The following ECPAS variants were observed in gnomAD, a reference collection of about 807,000 sequenced individuals.
ECPAS encodes Ecm29 proteasome adaptor and scaffold.
Under a neutral mutation model 255.1 loss-of-function variants are expected in ECPAS, and 70 were observed. The ratio of observed to expected loss-of-function variants is 0.27; its 90% CI spans 0.23 to 0.33. The LOEUF (loss-of-function observed/expected upper bound fraction) is 0.33, where lower values mean the gene tolerates loss of function less well. Ranked by LOEUF, ECPAS falls within the 10% of genes least tolerant of loss-of-function variation. The probability of loss-of-function intolerance (pLI) is 1.00; values close to 1 mark genes in which losing one functional copy is unlikely to be tolerated. For synonymous variants in ECPAS, 784 were observed against 775.0 expected, an observed-to-expected ratio of 1.01 and a Z score of -0.19; for missense variants, 1,817 against 2,206.4, an observed-to-expected ratio of 0.82 and a Z score of 3.54.
chr9:111,467,594 T>C (rs568331502), intron 2 of ECPAS, among the ~76,000 whole-genome samples: 29 of 152,252 alleles, frequency 1.9e-4, no homozygotes, highest in African/African-American at 7.0e-4. Context: ...AGGTCTTAAG[T>C]AGAAGCTGAA....
At position 111,425,967 on chromosome 9, in the gene ECPAS, T is replaced by G. The variant is rs988615731; in HGVS notation, c.1051-139A>C. 206 of 506,700 alleles carry G rather than the reference T, an allele frequency of 4.1e-4. 2 individuals carry two copies. Among genetic ancestry groups the G allele is most frequent in the African/African-American group, 3.6e-3 (186 of 52,022 alleles). The allele number at this position is 506,700 out of a possible 1,614,324, so 31.4% of individuals were successfully genotyped here. On this transcript the variant is annotated intron_variant, in intron 10 of 49. Transcript: ENST00000684092. ...ATTAATGCAGATACACATTATTAGC[T>G]GACCAACTTAGAAAGCCAATCAGAA...
chr9:111,397,208 C>A, intron 24 of ECPAS, 55 bp from the exon 25 acceptor site: 1 of 1,598,718 alleles, frequency 6.3e-7, no homozygotes, highest in African/African-American at 1.3e-5. Context: ...CCAAAAACAT[C>A]CATTTCTACA....
chr9:111,441,575 A>G (rs2098246080), intron 5 of ECPAS, among the ~76,000 whole-genome samples: 1 of 152,252 alleles, frequency 6.6e-6, no homozygotes, highest in Non-Finnish European at 1.5e-5. Flanking sequence ...AATATTTTGA[A>G]TACAACATTA....
intron 3 of ECPAS, among the ~76,000 whole-genome samples, 160 bp from the exon 4 acceptor site, chr9:111,444,654 C>A (rs1276077367): frequency 6.6e-6 from 1 of 152,192 alleles, no homozygotes; most frequent in Non-Finnish European, 1.5e-5. Context: ...GTATACACTA[C>A]ATGAATCTTG....
At chr9:111,415,911 T>C (rs2098202810) in intron 18 of ECPAS, among the ~76,000 whole-genome samples, 2 of 152,116 alleles carry the variant, frequency 1.3e-5, no homozygotes, top group South Asian at 4.1e-4. Flanking sequence ...CCTTAATAAG[T>C]GTGATCAATT....
intron 13 of ECPAS, 138 bp from the exon 14 acceptor site, chr9:111,422,338 AT>A (rs1167169841): frequency 9.9e-5 from 77 of 774,838 alleles, no homozygotes; most frequent in Non-Finnish European, 1.6e-4. Context: ...AGAGCCAAAA[AT>A]TTTTCCAAGT....
At chr9:111,371,908 G>A (rs2098127774) in intron 42 of ECPAS, 79 bp from the exon 43 acceptor site, 2 of 1,139,444 alleles carry the variant, frequency 1.8e-6, no homozygotes, top group Non-Finnish European at 2.6e-6. Flanking sequence ...AAAAGTCAGT[G>A]ACCAACAGTC....
chr9:111,384,529 A>G lies in ECPAS; in HGVS notation c.3674T>C (p.Leu1225Pro). The G allele has an allele frequency of 6.2e-7, 1 of 1,613,700 alleles. No individual in the cohort carries two copies. Among genetic ancestry groups the G allele is most frequent in the Non-Finnish European group, 8.5e-7 (1 of 1,179,594 alleles). Residue 1225 changes from leucine (L) to proline (P), a missense_variant, in exon 34 of 50, where the codon CTG becomes CCG. Physicochemically the swap from Leu to Pro is moderately conservative, Grantham distance 98. Coordinates refer to ENST00000684092, the MANE Select transcript of ECPAS (RefSeq NM_001364929.1). Reference sequence around the variant, plus strand: ...GTAAGACGGGGTTTTCACCTTGCTCAGAGTTTTCAGAGCTAGTTCTGCCGC... The same window carrying G: ...GTAAGACGGGGTTTTCACCTTGCTCGGAGTTTTCAGAGCTAGTTCTGCCGC... The part of the protein sequence containing the change: ...RKAAELALKT[L>P]SKVCVKMCDP...
chr9:111,429,837 C>T (rs373162188), intron 9 of ECPAS, among the ~76,000 whole-genome samples: 13 of 152,114 alleles, frequency 8.5e-5, no homozygotes, highest in African/African-American at 2.9e-4. Flanking sequence ...AACCCCAACT[C>T]AAACAAAAAA....
At chr9:111,364,950 A>G (rs1211276422) in intron 48 of ECPAS, among the ~76,000 whole-genome samples, 2 of 152,216 alleles carry the variant, frequency 1.3e-5, no homozygotes, top group East Asian at 3.8e-4. Context: ...TCAATGTCCT[A>G]AGACAAAGAA....
intron 24 of ECPAS, among the ~76,000 whole-genome samples, chr9:111,400,022 C>G (rs1484905645): frequency 1.3e-5 from 2 of 152,220 alleles, no homozygotes; most frequent in Non-Finnish European, 2.9e-5. Context: ...GCCCACATTA[C>G]CCTCCCCTAA....
At chr9:111,461,006 A>C (rs1423234672) in intron 2 of ECPAS, among the ~76,000 whole-genome samples, 2 of 152,170 alleles carry the variant, frequency 1.3e-5, no homozygotes, top group Admixed American at 6.5e-5. Context: ...TATCTCAATC[A>C]ATGAATGAGT....
chr9:111,439,273 T>C (rs2098242499), intron 6 of ECPAS, among the ~76,000 whole-genome samples: 1 of 151,742 alleles, frequency 6.6e-6, no homozygotes, highest in South Asian at 2.1e-4. Context: ...CTTTTTTCCT[T>C]TTTTTTTGTT....
intron 1 of ECPAS, 122 bp downstream of exon 1, chr9:111,483,993 GC>G (rs1234252137): frequency 1.0e-6 from 1 of 1,000,422 alleles, no homozygotes; most frequent in African/African-American, 1.8e-5. Flanking sequence ...ACCTGTCGCC[GC>G]CCGCCCCGCG....
chr9:111,429,272 T>A (rs1191268627), intron 9 of ECPAS, among the ~76,000 whole-genome samples: 3 of 152,162 alleles, frequency 2.0e-5, no homozygotes, highest in South Asian at 2.1e-4. Context: ...TTTTTTTTTT[T>A]AAATGAGTAC....
At chr9:111,392,734 G>A in intron 28 of ECPAS, 34 bp downstream of exon 28, 1 of 1,415,262 alleles carries the variant, frequency 7.1e-7, no homozygotes, top group Non-Finnish European at 9.9e-7. Context: ...CTTCCTCTAT[G>A]GGCTTGAATC....
intron 1 of ECPAS, among the ~76,000 whole-genome samples, chr9:111,482,099 T>G (rs965061256): frequency 6.6e-6 from 1 of 152,160 alleles, no homozygotes; most frequent in African/African-American, 2.4e-5. Flanking sequence ...ACGGGAAATT[T>G]TATGGTATGT....
chr9:111,453,285 T>C (rs1382656785), intron 2 of ECPAS, among the ~76,000 whole-genome samples: 2 of 151,912 alleles, frequency 1.3e-5, no homozygotes, highest in East Asian at 3.9e-4. Context: ...GTCAAAGGGA[T>C]ACAGGAACCA....
intron 24 of ECPAS, among the ~76,000 whole-genome samples, chr9:111,402,947 A>C (rs2098178365): frequency 2.0e-5 from 3 of 152,210 alleles, no homozygotes. Context: ...GCAGTAGTTA[A>C]GTCTTTACCT....
Sources: gnomAD v4.1 joint callset for allele counts (sites outside exome capture counted in the v4.1 genomes callset) on GRCh38, gnomAD v4.1.1 for gene constraint, MANE v1.5 for transcripts, NCBI Gene and HGNC (gene_info 2026-07-23, HGNC 2026-07-21) for gene names.